RORA: variants seen among roughly 807,000 people sequenced by gnomAD.
RORA encodes the protein nuclear receptor ROR-alpha.
A neutral mutation model predicts 69.5 loss-of-function variants in RORA; 7 were observed. The observed-to-expected ratio is 0.10, with a 90% confidence interval of 0.06 to 0.19. The LOEUF is 0.19. Ranked by LOEUF, RORA falls within the 10% of genes least tolerant of loss-of-function variation. The probability of loss-of-function intolerance (pLI) is 1.00; values close to 1 mark genes in which losing one functional copy is unlikely to be tolerated. For missense variants in RORA, 457 were observed against 663.0 expected (o/e 0.69, Z 3.41); for synonymous variants, 261 against 240.8 (o/e 1.08, Z -0.78).
intron 2 of RORA, among the ~76,000 whole-genome samples, chr15:60,550,127 C>T (rs1044573274): frequency 6.6e-6 from 1 of 152,158 alleles, no homozygotes; most frequent in Non-Finnish European, 1.5e-5. Flanking sequence ...CCCATCTCTA[C>T]TAAAAATACA....
chr15:60,875,099 C>G (rs895922329), intron 1 of RORA, among the ~76,000 whole-genome samples: 1 of 152,130 alleles, frequency 6.6e-6, no homozygotes, highest in Non-Finnish European at 1.5e-5. Context: ...CATAGCTAGA[C>G]CCCTAGCTTA....
intron 1 of RORA, among the ~76,000 whole-genome samples, chr15:61,168,485 C>T (rs537975206): frequency 2.6e-4 from 39 of 152,194 alleles, no homozygotes; most frequent in African/African-American, 9.4e-4. Flanking sequence ...TCCCGAACTC[C>T]TGAGCTCAAG....
intron 1 of RORA, among the ~76,000 whole-genome samples, chr15:60,879,574 T>G (rs1268885870): frequency 1.3e-5 from 2 of 152,202 alleles, no homozygotes; most frequent in South Asian, 4.1e-4. Flanking sequence ...TACATTTATA[T>G]GATTTGAAGC....
chr15:60,745,507 C>A (rs141646556), intron 1 of RORA, among the ~76,000 whole-genome samples: 78 of 152,350 alleles, frequency 5.1e-4, no homozygotes, highest in Admixed American at 2.6e-3. Context: ...TCCTAAGAGG[C>A]AGCCCAGAGG....
At chr15:61,010,175 A>G (rs1369449583) in intron 1 of RORA, among the ~76,000 whole-genome samples, 1 of 152,222 alleles carries the variant, frequency 6.6e-6, no homozygotes, top group Admixed American at 6.5e-5. Context: ...AGTAGAATTA[A>G]ATGTAAATCT....
At chr15:60,751,568 G>A (rs2071723892) in intron 1 of RORA, among the ~76,000 whole-genome samples, 1 of 152,138 alleles carries the variant, frequency 6.6e-6, no homozygotes, top group South Asian at 2.1e-4. Context: ...AAAGAGATAA[G>A]TACCTTGACC....
chr15:61,081,960 T>C lies in RORA; in HGVS notation c.166+147093A>G, dbSNP rs137864242. On this transcript the variant is annotated intron_variant, in intron 1 of 10. Transcript: ENST00000335670. The stretch of plus-strand genomic sequence containing the variant: ...AATAATAACTAGAATTCTAGAAAGC[T>C]GGGAAACAGCCCATATTTAGGGTTT... Among the ~76,000 whole-genome samples the C allele has an allele frequency of 6.4e-3, 981 of 152,302 alleles. 20 individuals are homozygous for C. The highest frequency in any genetic ancestry group is 0.021 in the East Asian group (108 of 5,180).
intron 1 of RORA, among the ~76,000 whole-genome samples, chr15:60,810,508 G>C (rs2072728048): frequency 6.6e-6 from 1 of 152,014 alleles, no homozygotes; most frequent in Non-Finnish European, 1.5e-5. Context: ...AAATTTTCCT[G>C]AATCACCTTT....
chr15:61,158,542 T>C (rs1388927916), intron 1 of RORA, among the ~76,000 whole-genome samples: 1 of 152,192 alleles, frequency 6.6e-6, no homozygotes, highest in East Asian at 1.9e-4. Flanking sequence ...TTTGCCTTTA[T>C]TGAATAAACA....
At chr15:61,108,184 T>C (rs189414231) in intron 1 of RORA, among the ~76,000 whole-genome samples, 2 of 152,178 alleles carry the variant, frequency 1.3e-5, no homozygotes, top group Non-Finnish European at 2.9e-5. Context: ...CCTTAAGTGA[T>C]CCCTAGTACC....
chr15:60,514,449 G>A (rs1445949255), intron 4 of RORA, among the ~76,000 whole-genome samples, 167 bp downstream of exon 4: 1 of 152,184 alleles, frequency 6.6e-6, no homozygotes, highest in Non-Finnish European at 1.5e-5. Flanking sequence ...GGAGGAAGCA[G>A]CTGCTGTGAG....
At chr15:60,846,227 G>A (rs2073263270) in intron 1 of RORA, among the ~76,000 whole-genome samples, 1 of 152,176 alleles carries the variant, frequency 6.6e-6, no homozygotes, top group Non-Finnish European at 1.5e-5. Context: ...TCAGGGCTCA[G>A]GTCTACTCGC....
intron 1 of RORA, among the ~76,000 whole-genome samples, chr15:61,114,154 G>A (rs543127540): frequency 4.6e-5 from 7 of 152,282 alleles, no homozygotes; most frequent in African/African-American, 1.7e-4. Context: ...TCACCACAGA[G>A]GGAACTGGAG....
rs978640603 is a variant in RORA, at chr15:61,213,502, T to C, written c.166+15551A>G. On this transcript the variant is annotated intron_variant, in intron 1 of 10. Coordinates refer to ENST00000335670, the MANE Select transcript of RORA (RefSeq NM_134261.3). This position sits in a 1 kb window ranked among gnomAD's most constrained non-coding sequence, Gnocchi z 4.1. ...CCTTATCTCCTACTCCTCACCAGCATACTCTCAGGCCAAGCTACATCTCAC... is the reference window on the plus strand; with the variant it reads ...CCTTATCTCCTACTCCTCACCAGCACACTCTCAGGCCAAGCTACATCTCAC... Among the ~76,000 whole-genome samples, 4 of 152,202 alleles carry C rather than the reference T, an allele frequency of 2.6e-5. No individual in the cohort carries two copies. In the East Asian group the frequency reaches 5.8e-4, roughly 22 times the overall value.
intron 2 of RORA, among the ~76,000 whole-genome samples, chr15:60,574,130 G>T (rs1192936575): frequency 1.3e-5 from 2 of 152,320 alleles, no homozygotes; most frequent in South Asian, 2.1e-4. Flanking sequence ...ACAGAGCAGG[G>T]TTAGCCCAGC....
At chr15:61,111,843 C>T (rs1425825190) in intron 1 of RORA, among the ~76,000 whole-genome samples, 4 of 152,142 alleles carry the variant, frequency 2.6e-5, no homozygotes, top group African/African-American at 9.7e-5. Context: ...AAAATTCTTC[C>T]TAAGGACTAT....
chr15:60,621,783 C>T (rs1567128887), intron 2 of RORA, among the ~76,000 whole-genome samples: 1 of 152,140 alleles, frequency 6.6e-6, no homozygotes, highest in East Asian at 1.9e-4. Context: ...CGCAGTAACT[C>T]ACACCTGTAA....
intron 1 of RORA, among the ~76,000 whole-genome samples, chr15:61,215,495 G>C (rs2080032585): frequency 6.6e-6 from 1 of 152,208 alleles, no homozygotes; most frequent in African/African-American, 2.4e-5. Flanking sequence ...TGTTTTCAAA[G>C]CCTGGCATTG....
intron 1 of RORA, among the ~76,000 whole-genome samples, chr15:61,204,197 A>C (rs1235561633): frequency 6.6e-6 from 1 of 152,200 alleles, no homozygotes; most frequent in Admixed American, 6.5e-5. Context: ...AGGGAGATCC[A>C]AGCTGAGACT....
Sources: allele counts gnomAD v4.1 joint callset (sites outside exome capture counted in the v4.1 genomes callset), GRCh38; gene constraint gnomAD v4.1.1; non-coding constraint Gnocchi (gnomAD v3.1); transcripts MANE v1.5; gene names NCBI Gene and HGNC (gene_info 2026-07-23, HGNC 2026-07-21).